Variants in PES1 observed in about 807,000 individuals in gnomAD.
PES1 encodes the protein pescadillo homolog.
In PES1, 31 loss-of-function variants were observed where a neutral mutation model predicts 77.1. The observed-to-expected ratio is 0.40, with a 90% CI of 0.30 to 0.54. PES1 has a LOEUF of 0.54. Ranked by LOEUF, PES1 falls within the 20% of genes least tolerant of loss-of-function variation. The pLI is 0.45. For synonymous variants in PES1, 282 were observed against 303.0 expected (o/e 0.93, Z 0.72); for missense variants, 658 against 771.7 (o/e 0.85, Z 1.75).
chr22:30,596,030 G>A (rs117695276), upstream of PES1, among the ~76,000 whole-genome samples: 919 of 152,250 alleles, frequency 6.0e-3, 5 homozygotes, highest in Middle Eastern at 0.02. Flanking sequence ...TTTTTGGGAC[G>A]CTAGCTGGCT....
chr22:30,597,005 G>A (rs370591214), intron 2 of PES1, among the ~76,000 whole-genome samples: 15 of 152,222 alleles, frequency 9.9e-5, no homozygotes, highest in African/African-American at 2.2e-4. Flanking sequence ...GCTTAGCACC[G>A]GGCCAGCCGC....
At chr22:30,592,453 G>A (rs762274944), upstream of PES1, 8 of 966,462 alleles carry the variant, frequency 8.3e-6, no homozygotes, top group Non-Finnish European at 3.7e-6. Flanking sequence ...AGATCCTAGA[G>A]GCCACTTATA....
upstream of PES1, chr22:30,592,110 ATACAGGCT>A (rs1437932865): frequency 3.1e-6 from 4 of 1,273,864 alleles, no homozygotes; most frequent in African/African-American, 4.6e-5. Flanking sequence ...AAACGTGGAT[ATACAGGCT>A]TTTCTGTAAT....
At chr22:30,590,582 T>C (rs546709311) in intron 1 of PES1, among the ~76,000 whole-genome samples, 1 of 152,348 alleles carries the variant, frequency 6.6e-6, no homozygotes, top group South Asian at 2.1e-4. Flanking sequence ...TCCATTACCT[T>C]ATGCCACACT....
intron 2 of PES1, among the ~76,000 whole-genome samples, chr22:30,601,198 GA>G (rs1437347348): frequency 6.6e-6 from 1 of 152,212 alleles, no homozygotes. Context: ...CTTCATGGAT[GA>G]ATGACAAAAT....
At chr22:30,594,051 C>T (rs2087221842), upstream of PES1, among the ~76,000 whole-genome samples, 1 of 152,228 alleles carries the variant, frequency 6.6e-6, no homozygotes, top group Admixed American at 6.5e-5. Context: ...TACCAAGCCT[C>T]CATCAGCATT....
chr22:30,592,169 G>A (rs1022912493), upstream of PES1: 2 of 1,116,600 alleles, frequency 1.8e-6, no homozygotes, highest in East Asian at 5.1e-5. Flanking sequence ...CTCGTTGCAT[G>A]TTGGGACGGA....
In PES1 at chr22:30,576,948, G is replaced by A. The variant is rs1040804197; in HGVS notation, c.*98C>T. On this transcript the variant is annotated 3_prime_UTR_variant, in exon 15 of 15. Coordinates refer to ENST00000354694, the MANE Select transcript of PES1 (RefSeq NM_014303.4). ...GGGCTGGCTGGAGAAAGGAGGAGGA[G>A]AAGTGACTCTGGTCCATCACACTTA... 2.0e-6 allele frequency: 2 copies of A among 983,800 alleles called. No individual in the cohort carries two copies. Among genetic ancestry groups the A allele is most frequent in the Non-Finnish European group, 3.3e-6 (2 of 613,090 alleles). The allele number at this position is 983,800 out of a possible 1,614,324, so 60.9% of individuals were successfully genotyped here.
At chr22:30,588,632 C>T (rs2087129406) in intron 2 of PES1, among the ~76,000 whole-genome samples, 1 of 151,910 alleles carries the variant, frequency 6.6e-6, no homozygotes, top group Non-Finnish European at 1.5e-5. Flanking sequence ...AAAATACAAA[C>T]ATTAGCCAGG....
At chr22:30,598,885 A>T (rs754582894) in intron 2 of PES1, among the ~76,000 whole-genome samples, 753 of 51,240 alleles carry the variant, frequency 0.015, 33 homozygotes, top group African/African-American at 0.053. Flanking sequence ...CTTAAGTAAA[A>T]TTTTTTTTTT....
At chr22:30,598,885 A>ATTTTTTT (rs71200084) in intron 2 of PES1, among the ~76,000 whole-genome samples, 952 of 51,172 alleles carry the variant, frequency 0.019, 279 homozygotes, top group South Asian at 0.032. Flanking sequence ...CTTAAGTAAA[A>ATTTTTTT]TTTTTTTTTT....
upstream of PES1, among the ~76,000 whole-genome samples, chr22:30,594,293 G>A (rs964198631): frequency 1.3e-5 from 2 of 152,176 alleles, no homozygotes; most frequent in Non-Finnish European, 2.9e-5. Flanking sequence ...GCCAAGGTGG[G>A]TGGATCACCT....
chr22:30,586,327 G>A lies in PES1; in HGVS notation c.368+959C>T, dbSNP rs79598995. Among the ~76,000 whole-genome samples the A allele has an allele frequency of 1.4e-3, 207 of 152,190 alleles. 1 individual carries two copies. The highest frequency in any genetic ancestry group is 1.1e-3 in the Non-Finnish European group (78 of 67,994). ...CTCATGTGCCACACAGCTGGGATGC[G>A]AACACCAGCTGTCTAGCTCCTAGGC... On this transcript the variant is annotated intron_variant, in intron 4 of 14. Transcript: ENST00000354694.
rs1426091696 is a variant in PES1 at position 30,581,374 on chromosome 22, C to T, written c.782G>A (p.Gly261Asp). 1 of 1,613,860 alleles carries T rather than the reference C, an allele frequency of 6.2e-7. No individual in the cohort carries two copies. Among genetic ancestry groups the T allele is most frequent in the East Asian group, 2.2e-5 (1 of 44,880 alleles). The change falls in exon 8 of 15, where the codon GGT becomes GAT. Residue 261 changes from glycine to aspartate, a missense_variant. Physicochemically the swap from Gly to Asp is moderately conservative, Grantham distance 94 (BLOSUM62 -1). Transcript: ENST00000354694. ...GGAGTCCAACGCGTAGGTGCCCTCA[C>T]CGGCCTTTGCCTCTGCTTGGGCCTG... ...EGQAQAEAKA[G>D]EGTYALDSES...
At chr22:30,606,982 A>G (rs2087460717) in exon 1 of PES1, 3 of 749,890 alleles carry the variant, frequency 4.0e-6, no homozygotes, top group African/African-American at 1.8e-5. Flanking sequence ...CAGATCAGGC[A>G]TCAGGCCCTC....
chr22:30,606,171 G>A (rs138267991), intron 1 of PES1, among the ~76,000 whole-genome samples: 6 of 152,168 alleles, frequency 3.9e-5, no homozygotes, highest in Middle Eastern at 3.4e-3. Context: ...GTTACTTTCC[G>A]AGTTCTGGCA....
chr22:30,591,238 G>C (rs954312661), intron 1 of PES1, among the ~76,000 whole-genome samples: 1 of 152,118 alleles, frequency 6.6e-6, no homozygotes, highest in Non-Finnish European at 1.5e-5. Flanking sequence ...AATCTTATCA[G>C]ATGCCATTCT....
At position 30,578,811 on chromosome 22, in the gene PES1, A is replaced by G. The variant is rs187105836; in HGVS notation, c.1683+26T>C. On this transcript the variant is annotated intron_variant, in intron 14 of 14. Transcript: ENST00000354694. ...AGTTGGGTCTGGTGGCCACACCTGGATCTCAAGTGGGTGGCAAGAACTCAC... is the reference window on the plus strand; with the variant it reads ...AGTTGGGTCTGGTGGCCACACCTGGGTCTCAAGTGGGTGGCAAGAACTCAC... The G allele has an allele frequency of 8.0e-3, 12,935 of 1,611,276 alleles. 132 individuals are homozygous for G. The highest frequency in any genetic ancestry group is 0.03 in the South Asian group (2,721 of 90,894).
intron 6 of PES1, among the ~76,000 whole-genome samples, chr22:30,582,913 G>C (rs1273806492): frequency 6.6e-6 from 1 of 152,220 alleles, no homozygotes. Context: ...CTGCTCACAG[G>C]AGGGGCACAA....
Sources: allele counts gnomAD v4.1 joint callset (sites outside exome capture counted in the v4.1 genomes callset), GRCh38; gene constraint gnomAD v4.1.1; transcripts MANE v1.5; gene names NCBI Gene and HGNC (gene_info 2026-07-23, HGNC 2026-07-21).